The following FREM2 variants were observed in gnomAD, a reference collection of about 807,000 sequenced individuals.
The protein encoded by FREM2 is FRAS1 related extracellular matrix 2.
FREM2 carries 119 observed loss-of-function variants against 219.9 expected under a neutral mutation model. That is an observed-to-expected ratio of 0.54 (90% CI 0.47 to 0.63). The LOEUF is 0.63. Among genes scored for constraint, FREM2 ranks in the 30% least tolerant of loss-of-function variants. FREM2 has a pLI of 0.00. For synonymous variants in FREM2, 1,562 were observed against 1,522.8 expected, an observed-to-expected ratio of 1.03 and a Z score of -0.60; for missense variants, 4,030 against 3,993.6, an observed-to-expected ratio of 1.01 and a Z score of -0.25.
At chr13:38,867,610 G>A (rs540991355) in intron 16 of FREM2, among the ~76,000 whole-genome samples, 1 of 152,302 alleles carries the variant, frequency 6.6e-6, no homozygotes, top group African/African-American at 2.4e-5. Context: ...TTCCATGGCA[G>A]GCCATCTGCA....
At chr13:38,871,017 G>A (rs915638655) in intron 16 of FREM2, among the ~76,000 whole-genome samples, 9 of 152,188 alleles carry the variant, frequency 5.9e-5, no homozygotes, top group East Asian at 1.9e-4. Context: ...CTTAGTCACC[G>A]TCCATTTCCC....
intron 6 of FREM2, among the ~76,000 whole-genome samples, chr13:38,807,108 A>T (rs898540982): frequency 6.9e-6 from 1 of 143,902 alleles, no homozygotes; most frequent in African/African-American, 2.5e-5. Context: ...CCTCAATGTC[A>T]TCCATGAGGG....
chr13:38,800,426 G>T (rs975890178), intron 6 of FREM2, among the ~76,000 whole-genome samples: 4 of 152,182 alleles, frequency 2.6e-5, no homozygotes, highest in Non-Finnish European at 4.4e-5. Flanking sequence ...TCCACTGTTG[G>T]TCTGATGGGA....
chr13:38,804,263 C>A (rs1340844524), intron 6 of FREM2, among the ~76,000 whole-genome samples: 1 of 151,288 alleles, frequency 6.6e-6, no homozygotes, highest in Non-Finnish European at 1.5e-5. Flanking sequence ...TTAGCAAGTG[C>A]CAACAAAGTG....
Position 38,783,061 on chromosome 13 carries a change from T to C in FREM2, c.5642-9T>C, listed in dbSNP as rs148794835. On this transcript the variant is annotated splice_polypyrimidine_tract_variant and intron_variant, in intron 4 of 23. Transcript: ENST00000280481. Reference sequence around the variant, plus strand: ...AAAAATAATGCTTGCAATTGTGTTTTCTCTCTAGAGCCAACTGTGTTTATT... The same window carrying C: ...AAAAATAATGCTTGCAATTGTGTTTCCTCTCTAGAGCCAACTGTGTTTATT... 3,408 of 1,613,250 alleles carry C rather than the reference T, an allele frequency of 2.1e-3. 5 individuals are homozygous for C. Among genetic ancestry groups the C allele is most frequent in the Non-Finnish European group, 2.7e-3 (3,203 of 1,179,850 alleles).
At position 38,851,743 on chromosome 13, in the gene FREM2, G is replaced by C. The variant is rs760110926; in HGVS notation, c.6800G>C (p.Gly2267Ala). The C allele has an allele frequency of 2.5e-6, 4 of 1,613,670 alleles. No individual in the cohort carries two copies. In the Admixed American group the frequency reaches 6.7e-5, roughly 27 times the overall value. Residue 2267 changes from glycine to alanine, a missense_variant, in exon 11 of 24, where the codon GGA (glycine) becomes GCA (alanine). Around this residue, in one of 2 missense-constraint regions of FREM2, gnomAD observed 3,102 missense variants for 2,950.7 expected, o/e 1.05. Transcript: ENST00000280481. ...KFSVTEPKEPGESVVIRIPVI... is the reference protein window; with the variant it reads ...KFSVTEPKEPAESVVIRIPVI... The stretch of plus-strand genomic sequence containing the variant: ...AGTGTCACTGAACCCAAAGAACCTG[G>C]AGAGTCGGTGGTTATAAGAATTCCA...
At position 38,764,289 on chromosome 13, in the gene FREM2, A is replaced by G; in HGVS notation, c.5264-15A>G. The G allele has an allele frequency of 6.2e-7, 1 of 1,602,356 alleles. No homozygotes were observed. The highest frequency in any genetic ancestry group is 1.3e-5 in the African/African-American group (1 of 74,790). On this transcript the variant is annotated splice_polypyrimidine_tract_variant and intron_variant, in intron 2 of 23. Coordinates refer to ENST00000280481, the MANE Select transcript of FREM2 (RefSeq NM_207361.6). ...AGAAAGCACTAATTTATGGCTTTAA[A>G]TTTTTATTTTCAAGGTGGAAACAAG...
intron 12 of FREM2, among the ~76,000 whole-genome samples, chr13:38,857,280 C>A (rs1877597877): frequency 6.6e-6 from 1 of 152,116 alleles, no homozygotes; most frequent in African/African-American, 2.4e-5. Context: ...GGAGCCAGGG[C>A]AAACTCACAG....
At chr13:38,806,380 A>T (rs892749965) in intron 6 of FREM2, among the ~76,000 whole-genome samples, 2 of 151,950 alleles carry the variant, frequency 1.3e-5, no homozygotes, top group Non-Finnish European at 2.9e-5. Context: ...AGAACTTGGG[A>T]AGTTTTCTGA....
In FREM2 at chr13:38,874,523, C is replaced by T. The variant is rs775185183; in HGVS notation, c.8218C>T (p.Arg2740Cys). Residue 2740 changes from arginine to cysteine, a missense_variant, in exon 18 of 24, where the codon CGC becomes TGC. Transcript: ENST00000280481. ...CAGCATGCGCATCGGTGATGAGGGGCGCTTGGCCGTGCACTTCAAGACAGA... is the reference window on the plus strand; with the variant it reads ...CAGCATGCGCATCGGTGATGAGGGGTGCTTGGCCGTGCACTTCAAGACAGA... ...PTSMRIGDEGRLAVHFKTEAQ... is the reference protein window; with the variant it reads ...PTSMRIGDEGCLAVHFKTEAQ... 27 of 1,613,992 alleles carry T rather than the reference C, an allele frequency of 1.7e-5. No individual in the cohort carries two copies. In the Middle Eastern group the frequency reaches 1.5e-3, roughly 88 times the overall value.
chr13:38,801,768 T>C (rs1373114480), intron 6 of FREM2, among the ~76,000 whole-genome samples: 1 of 152,124 alleles, frequency 6.6e-6, no homozygotes, highest in Non-Finnish European at 1.5e-5. Context: ...AGGTAGTATA[T>C]GCTGGTACCA....
At chr13:38,736,156 T>G (rs904070658) in intron 2 of FREM2, among the ~76,000 whole-genome samples, 3 of 152,316 alleles carry the variant, frequency 2.0e-5, no homozygotes, top group Admixed American at 6.5e-5. Context: ...GAGGCTCACT[T>G]AATGATACAA....
At chr13:38,764,665 T>C (rs1158801502) in intron 3 of FREM2, among the ~76,000 whole-genome samples, 2 of 152,130 alleles carry the variant, frequency 1.3e-5, no homozygotes, top group Non-Finnish European at 2.9e-5. Context: ...GGTATAAAAA[T>C]TGGCAGGAAC....
intron 3 of FREM2, among the ~76,000 whole-genome samples, chr13:38,766,618 G>A (rs997805860): frequency 2.6e-5 from 4 of 152,108 alleles, no homozygotes; most frequent in African/African-American, 4.8e-5. Context: ...ACAGAGTATC[G>A]CTTGAGTACA....
At chr13:38,859,734 A>G in intron 14 of FREM2, 144 bp downstream of exon 14, 1 of 857,562 alleles carries the variant, frequency 1.2e-6, no homozygotes, top group South Asian at 1.5e-5. Context: ...TATTTTTACA[A>G]AATTATGTAT....
chr13:38,791,650 A>G (rs1024690508), intron 6 of FREM2, among the ~76,000 whole-genome samples: 1 of 152,158 alleles, frequency 6.6e-6, no homozygotes, highest in East Asian at 1.9e-4. Context: ...GAACTCACTC[A>G]CTATCACAAG....
At chr13:38,715,410 G>A (rs1004019064) in intron 2 of FREM2, among the ~76,000 whole-genome samples, 3 of 152,164 alleles carry the variant, frequency 2.0e-5, no homozygotes, top group Non-Finnish European at 4.4e-5. Flanking sequence ...CCAGATGTTG[G>A]AAGACTTGAC....
intron 6 of FREM2, among the ~76,000 whole-genome samples, chr13:38,795,084 TC>T (rs1874716084): frequency 6.6e-6 from 1 of 152,056 alleles, no homozygotes; most frequent in Admixed American, 6.6e-5. Flanking sequence ...CTGTAATGAA[TC>T]CTGAATCTCC....
At chr13:38,743,133 A>G (rs568150141) in intron 2 of FREM2, among the ~76,000 whole-genome samples, 5 of 152,186 alleles carry the variant, frequency 3.3e-5, no homozygotes, top group South Asian at 2.1e-4. Flanking sequence ...GCAAGCCCCA[A>G]TGTGAGGGTC....
Sources: gnomAD v4.1 joint callset for allele counts (sites outside exome capture counted in the v4.1 genomes callset) on GRCh38, gnomAD v4.1.1 for gene constraint, gnomAD v4.1.1 regional missense constraint, MANE v1.5 for transcripts, NCBI Gene and HGNC (gene_info 2026-07-23, HGNC 2026-07-21) for gene names.